CRCP: variants seen among roughly 807,000 people sequenced by gnomAD.
CRCP encodes DNA-directed RNA polymerase III subunit RPC9.
Under a neutral mutation model 18.5 loss-of-function variants are expected in CRCP, and 18 were observed. The ratio of observed to expected loss-of-function variants is 0.97; its 90% CI spans 0.67 to 1.44. CRCP has a LOEUF of 1.44. Ranked by LOEUF, CRCP falls within the 40% of genes most tolerant of loss-of-function variation. The pLI is 0.00. For missense variants in CRCP, 130 were observed against 176.4 expected (o/e 0.74, Z 1.49); for synonymous variants, 53 against 62.9 (o/e 0.84, Z 0.75).
At chr7:66,146,361 G>A (rs1788298782) in intron 5 of CRCP, among the ~76,000 whole-genome samples, 1 of 152,028 alleles carries the variant, frequency 6.6e-6, no homozygotes, top group Non-Finnish European at 1.5e-5. Flanking sequence ...CCACCACTGG[G>A]CACGCTGTGG....
chr7:66,150,849 G>T (rs983416794), intron 5 of CRCP: 1 of 151,378 alleles, frequency 6.6e-6, no homozygotes, highest in African/African-American at 2.4e-5. Flanking sequence ...AGCAAACAGG[G>T]TTAAGCAACT....
At chr7:66,140,283 A>G (rs1379139936) in intron 4 of CRCP, among the ~76,000 whole-genome samples, 1 of 151,430 alleles carries the variant, frequency 6.6e-6, no homozygotes, top group East Asian at 1.9e-4. Context: ...TCCATCCTCC[A>G]CCCCAAATGG....
chr7:66,125,796 A>C (rs1787602153), intron 1 of CRCP, among the ~76,000 whole-genome samples: 1 of 149,174 alleles, frequency 6.7e-6, no homozygotes, highest in African/African-American at 2.4e-5. Context: ...CGATGGATCC[A>C]TTGGCCCTGA....
At chr7:66,130,037 A>C (rs1253141252) in intron 2 of CRCP, 4 of 285,382 alleles carry the variant, frequency 1.4e-5, no homozygotes, top group Admixed American at 5.1e-5. Flanking sequence ...CTTGCCTCAA[A>C]ATTTTTCTTT....
chr7:66,148,327 A>C (rs1460206247), intron 5 of CRCP, among the ~76,000 whole-genome samples: 1 of 152,186 alleles, frequency 6.6e-6, no homozygotes, highest in Non-Finnish European at 1.5e-5. Flanking sequence ...AGTGAGCGTG[A>C]CTGCACTCCA....
At chr7:66,136,021 T>C (rs1787962650) in intron 4 of CRCP, among the ~76,000 whole-genome samples, 1 of 152,210 alleles carries the variant, frequency 6.6e-6, no homozygotes, top group African/African-American at 2.4e-5. Flanking sequence ...AAAGTAGGGT[T>C]GACAAGTTAA....
At position 66,153,520 on chromosome 7, in the gene CRCP, A is replaced by G. The variant is rs962744970; in HGVS notation, c.*1163A>G. The G allele has an allele frequency of 2.0e-5, 3 of 152,212 alleles. No homozygotes were observed. The highest frequency in any genetic ancestry group is 2.9e-5 in the Non-Finnish European group (2 of 68,038). The allele number at this position is 152,212 out of a possible 1,614,324, so 9.4% of individuals were successfully genotyped here. On this transcript the variant is annotated 3_prime_UTR_variant, in exon 6 of 6. Transcript: ENST00000395326. ...TTTGGAAAGTATAGTTGCCCCAGGC[A>G]TGTGGTTGTTGCCTTAGGTCCTGCG... is the stretch of plus-strand genomic sequence containing the variant.
rs1282258939 is a variant in CRCP, at chr7:66,152,370, G to A, written c.*13G>A. 1 of 1,613,278 alleles carries A rather than the reference G, an allele frequency of 6.2e-7. No homozygotes were observed. Among genetic ancestry groups the A allele is most frequent in the African/African-American group, 1.3e-5 (1 of 75,056 alleles). On this transcript the variant is annotated 3_prime_UTR_variant, in exon 6 of 6. Coordinates refer to ENST00000395326, the MANE Select transcript of CRCP (RefSeq NM_014478.5). ...GGACCCAGCATAGAAGAGCACAGCTGGCCCCGGCGTTTCATGAAGTCAGAA... is the reference window on the plus strand; with the variant it reads ...GGACCCAGCATAGAAGAGCACAGCTAGCCCCGGCGTTTCATGAAGTCAGAA...
chr7:66,117,916 T>C (rs947284757), intron 1 of CRCP, among the ~76,000 whole-genome samples: 2 of 152,234 alleles, frequency 1.3e-5, no homozygotes, highest in African/African-American at 4.8e-5. Context: ...CATTGCGTTG[T>C]GGTACCCTCT....
intron 2 of CRCP, among the ~76,000 whole-genome samples, chr7:66,128,085 A>G (rs1204993050): frequency 6.7e-6 from 1 of 149,964 alleles, no homozygotes; most frequent in Non-Finnish European, 1.5e-5. Context: ...ACTGCACTCC[A>G]GCCTGGGCAA....
intron 1 of CRCP, among the ~76,000 whole-genome samples, chr7:66,124,369 C>T (rs1368655976): frequency 2.6e-5 from 4 of 152,018 alleles, no homozygotes; most frequent in African/African-American, 9.7e-5. Context: ...CAAAAAAAAA[C>T]TAAAAATAAA....
chr7:66,142,826 A>G (rs1788180049), intron 4 of CRCP, among the ~76,000 whole-genome samples: 1 of 151,976 alleles, frequency 6.6e-6, no homozygotes, highest in African/African-American at 2.4e-5. Flanking sequence ...GAGGCACTTT[A>G]TGGTGTTCTG....
intron 1 of CRCP, among the ~76,000 whole-genome samples, chr7:66,122,185 C>T (rs1428579489): frequency 6.6e-6 from 1 of 152,018 alleles, no homozygotes; most frequent in African/African-American, 2.4e-5. Flanking sequence ...ACCATCCTGG[C>T]TAACACAGTG....
At chr7:66,134,405 G>A (rs1315220140) in intron 4 of CRCP, 31 bp downstream of exon 4, 1 of 1,398,746 alleles carries the variant, frequency 7.1e-7, no homozygotes, top group Non-Finnish European at 1.0e-6. Flanking sequence ...GGAAGAGCGT[G>A]ACACATGGTG....
At chr7:66,151,413 C>T (rs914399840) in intron 5 of CRCP, among the ~76,000 whole-genome samples, 3 of 152,026 alleles carry the variant, frequency 2.0e-5, no homozygotes, top group Non-Finnish European at 2.9e-5. Flanking sequence ...ACGAAAAATA[C>T]GAACAGTTAA....
chr7:66,152,107 T>C (rs928906468), intron 5 of CRCP, 101 bp from the exon 6 acceptor site: 1 of 1,351,564 alleles, frequency 7.4e-7, no homozygotes. Flanking sequence ...GTGAGGTCTG[T>C]GTGCCAGGAG....
At chr7:66,118,872 G>A (rs1469883197) in intron 1 of CRCP, among the ~76,000 whole-genome samples, 2 of 152,212 alleles carry the variant, frequency 1.3e-5, no homozygotes, top group Non-Finnish European at 2.9e-5. Flanking sequence ...CTTCAGAGCA[G>A]TAAAGGTGAA....
chr7:66,131,476 G>T (rs546624724), intron 3 of CRCP, among the ~76,000 whole-genome samples: 1 of 152,044 alleles, frequency 6.6e-6, no homozygotes, highest in Non-Finnish European at 1.5e-5. Flanking sequence ...CTGGGACTAT[G>T]GGCATCCACT....
intron 2 of CRCP, chr7:66,128,651 G>A (rs1454724999): frequency 2.6e-5 from 4 of 152,082 alleles, no homozygotes; most frequent in Non-Finnish European, 5.9e-5. Context: ...AAGAGAGTGA[G>A]TTTAGTTGAC....
Sources: gnomAD v4.1 joint callset for allele counts (sites outside exome capture counted in the v4.1 genomes callset) on GRCh38, gnomAD v4.1.1 for gene constraint, MANE v1.5 for transcripts, NCBI Gene and HGNC (gene_info 2026-07-23, HGNC 2026-07-21) for gene names.